DCBLD1: variants seen among roughly 807,000 people sequenced by gnomAD.
DCBLD1 encodes discoidin, CUB and LCCL domain-containing protein 1.
In DCBLD1, 57 loss-of-function variants were observed where a neutral mutation model predicts 71.5. That is an observed-to-expected ratio of 0.80 (90% CI 0.64 to 0.99). The LOEUF (loss-of-function observed/expected upper bound fraction) is 0.99, where lower values mean the gene tolerates loss of function less well. Ranked by LOEUF, DCBLD1 falls within the 50% of genes least tolerant of loss-of-function variation. DCBLD1 has a pLI of 0.00. For synonymous variants in DCBLD1, 380 were observed against 363.8 expected, an observed-to-expected ratio of 1.04 and a Z score of -0.51; for missense variants, 891 against 923.5, an observed-to-expected ratio of 0.96 and a Z score of 0.46.
chr6:117,546,134 A>G (rs1372361276), intron 14 of DCBLD1, among the ~76,000 whole-genome samples: 5 of 152,226 alleles, frequency 3.3e-5, no homozygotes, highest in Non-Finnish European at 7.3e-5. Flanking sequence ...AATACTAGTA[A>G]TAAGGAAATT....
intron 14 of DCBLD1, among the ~76,000 whole-genome samples, chr6:117,546,358 C>G (rs562756139): frequency 6.6e-6 from 1 of 152,246 alleles, no homozygotes; most frequent in Non-Finnish European, 1.5e-5. Flanking sequence ...TCCCTCCTCA[C>G]GTGCAGCCTG....
At position 117,566,113 on chromosome 6, in the gene DCBLD1, T is replaced by A. The variant is rs570506694; in HGVS notation, c.1616-3507T>A. Among the ~76,000 whole-genome samples, 3 of 152,308 alleles carry A rather than the reference T, an allele frequency of 2.0e-5. 1 individual carries two copies. Among genetic ancestry groups the A allele is most frequent in the South Asian group, 4.1e-4 (2 of 4,824 alleles). On this transcript the variant is annotated intron_variant, in intron 14 of 14. Transcript: ENST00000296955. ...AAGAAAACAATGATTACTAGTACAG[T>A]TACTAGTATTAGCAACACTGCCTTG...
At chr6:117,518,956 T>C (rs1040605331) in intron 2 of DCBLD1, among the ~76,000 whole-genome samples, 3 of 152,154 alleles carry the variant, frequency 2.0e-5, no homozygotes, top group African/African-American at 7.2e-5. Flanking sequence ...TCATCATGAT[T>C]GTTGTTGCCG....
intron 14 of DCBLD1, chr6:117,562,934 G>T (rs1202787119): frequency 1.1e-5 from 3 of 282,984 alleles, no homozygotes; most frequent in Non-Finnish European, 2.0e-5. Context: ...TCCTACTAAA[G>T]GGAAAAGGAA....
chr6:117,508,827 C>T lies in DCBLD1; in HGVS notation c.325+4848C>T, dbSNP rs116488586. On this transcript the variant is annotated intron_variant, in intron 2 of 14. Coordinates refer to ENST00000338728, the MANE Select transcript of DCBLD1 (RefSeq NM_001366458.2). ...TGGAGCAGTCTTGGTAGGAACCAGA[C>T]GCTGGCCAGTCTTCATAGGCATCTC... Among the ~76,000 whole-genome samples the T allele has an allele frequency of 2.1e-3, 324 of 152,280 alleles. 1 individual carries two copies. Among genetic ancestry groups the T allele is most frequent in the Middle Eastern group, 6.8e-3 (2 of 294 alleles).
At chr6:117,496,791 C>A (rs970078169) in intron 1 of DCBLD1, among the ~76,000 whole-genome samples, 2 of 152,116 alleles carry the variant, frequency 1.3e-5, no homozygotes, top group Admixed American at 1.3e-4. Context: ...GTAGGCACAA[C>A]CAGTATGCTT....
intron 2 of DCBLD1, among the ~76,000 whole-genome samples, chr6:117,509,735 G>A (rs997230016): frequency 5.9e-5 from 9 of 152,082 alleles, no homozygotes; most frequent in Admixed American, 1.3e-4. Flanking sequence ...ACCAGGCAGA[G>A]GCTGAGCTCC....
chr6:117,545,495 A>C lies in DCBLD1; in HGVS notation c.1513A>C (p.Lys505Gln). Residue 505 changes from lysine to glutamine, a missense_variant, in exon 14 of 15, where the codon AAA becomes CAA. Transcript: ENST00000338728. Reference sequence around the variant, plus strand: ...TATTCCAGACTGTTGGAAGCAGATTAAATATCCCTTTGCCAGACATCAGTC... The same window carrying C: ...TATTCCAGACTGTTGGAAGCAGATTCAATATCCCTTTGCCAGACATCAGTC... The part of the protein sequence containing the change: ...AQKTDCWKQI[K>Q]YPFARHQSAE... The C allele has an allele frequency of 6.2e-7, 1 of 1,614,122 alleles. No individual in the cohort carries two copies. The highest frequency in any genetic ancestry group is 1.1e-5 in the South Asian group (1 of 91,066).
intron 1 of DCBLD1, among the ~76,000 whole-genome samples, chr6:117,484,380 A>G (rs111889487): frequency 0.025 from 3,747 of 152,140 alleles, 63 homozygotes; most frequent in Non-Finnish European, 0.037. Flanking sequence ...ACAGTGTCTC[A>G]CTCTGTCGCC....
chr6:117,521,185 T>G (rs1259139332), intron 3 of DCBLD1, among the ~76,000 whole-genome samples: 1 of 152,222 alleles, frequency 6.6e-6, no homozygotes, highest in Non-Finnish European at 1.5e-5. Context: ...TGAAATTATT[T>G]TCTTCCTGCC....
In DCBLD1 at chr6:117,483,252, G is replaced by T. The variant is rs368302145; in HGVS notation, c.112+359G>T. Reference sequence around the variant, plus strand: ...CCCGTGAGAAGTGACCTGACCCCGAGGGTCGCCTTAGGGGACAGCCGTGTG... The same window carrying T: ...CCCGTGAGAAGTGACCTGACCCCGATGGTCGCCTTAGGGGACAGCCGTGTG... On this transcript the variant is annotated intron_variant, in intron 1 of 14. Coordinates refer to ENST00000338728, the MANE Select transcript of DCBLD1 (RefSeq NM_001366458.2). Among the ~76,000 whole-genome samples the T allele has an allele frequency of 5.3e-5, 8 of 152,320 alleles. No homozygotes were observed. The East Asian group carries it at 1.4e-3, about 26-fold the overall frequency.
chr6:117,538,604 T>G lies in DCBLD1; in HGVS notation c.761-16T>G. 1 of 1,613,294 alleles carries G rather than the reference T, an allele frequency of 6.2e-7. No homozygotes were observed. Among genetic ancestry groups the G allele is most frequent in the Non-Finnish European group, 8.5e-7 (1 of 1,179,498 alleles). ...TATGTCTGTATCTAAAATATCTTAC[T>G]GCACTCTTTTTTCAGGTTGCAGCAG... On this transcript the variant is annotated splice_polypyrimidine_tract_variant and intron_variant, in intron 7 of 14. Transcript: ENST00000338728.
intron 14 of DCBLD1, among the ~76,000 whole-genome samples, chr6:117,564,804 A>C (rs112572705): frequency 2.0e-3 from 302 of 152,344 alleles, no homozygotes; most frequent in African/African-American, 6.9e-3. Flanking sequence ...CCCAACAATT[A>C]AGGTTTTGAC....
At position 117,537,237 on chromosome 6, in the gene DCBLD1, G is replaced by A. The variant is rs375228446; in HGVS notation, c.760+12G>A. ...GTTTACCTCCAATGGTAAGGATCATGCTTTCCTTAAGAATTTGATATTTTC... is the reference window on the plus strand; with the variant it reads ...GTTTACCTCCAATGGTAAGGATCATACTTTCCTTAAGAATTTGATATTTTC... On this transcript the variant is annotated intron_variant, in intron 7 of 14. Coordinates refer to ENST00000338728, the MANE Select transcript of DCBLD1 (RefSeq NM_001366458.2). The A allele has an allele frequency of 4.9e-5, 79 of 1,613,562 alleles. No individual in the cohort carries two copies. The African/African-American group carries it at 8.1e-4, about 17-fold the overall frequency.
At chr6:117,568,795 T>C (rs1417411789) in intron 14 of DCBLD1, among the ~76,000 whole-genome samples, 1 of 152,206 alleles carries the variant, frequency 6.6e-6, no homozygotes, top group Non-Finnish European at 1.5e-5. Context: ...TTCCCTGTAA[T>C]GTAATTATTG....
rs566926733 is a variant in DCBLD1 at position 117,497,595 on chromosome 6, A to G, written c.113-6172A>G. Among the ~76,000 whole-genome samples, 22 of 152,336 alleles carry G rather than the reference A, an allele frequency of 1.4e-4. No homozygotes were observed. The East Asian group carries it at 2.7e-3, about 19-fold the overall frequency. ...TTAATTTCAGGCATTTGGAGAATAG[A>G]TACTGAGTCCATATCTCTGTAACTC... On this transcript the variant is annotated intron_variant, in intron 1 of 14. Coordinates refer to ENST00000338728, the MANE Select transcript of DCBLD1 (RefSeq NM_001366458.2).
chr6:117,498,035 A>G (rs929058), intron 1 of DCBLD1, among the ~76,000 whole-genome samples: 55,873 of 152,092 alleles, frequency 0.37, 11,023 homozygotes, highest in African/African-American at 0.52. Flanking sequence ...AACTTCCTTA[A>G]CATCACATTG....
chr6:117,504,872 T>A (rs547752059), intron 2 of DCBLD1, among the ~76,000 whole-genome samples: 1 of 152,186 alleles, frequency 6.6e-6, no homozygotes, highest in African/African-American at 2.4e-5. Context: ...TAAAATGATA[T>A]AGGTTTTAGG....
chr6:117,542,014 C>T (rs541019520), intron 11 of DCBLD1, among the ~76,000 whole-genome samples: 117 of 152,238 alleles, frequency 7.7e-4, no homozygotes, highest in African/African-American at 2.7e-3. Context: ...ACACCGCTAC[C>T]GGGCACATTG....
Sources: gnomAD v4.1 joint callset for allele counts (sites outside exome capture counted in the v4.1 genomes callset) on GRCh38, gnomAD v4.1.1 for gene constraint, MANE v1.5 for transcripts, NCBI Gene and HGNC (gene_info 2026-07-23, HGNC 2026-07-21) for gene names.